Variants in XKR9 observed in about 807,000 individuals in gnomAD.
XKR9 encodes the protein XK-related protein 9.
Under a neutral mutation model 32.0 loss-of-function variants are expected in XKR9, and 32 were observed. That is an observed-to-expected ratio of 1.00 (90% CI 0.76 to 1.34). The LOEUF is 1.34. Among genes scored for constraint, XKR9 ranks in the 40% most tolerant of loss-of-function variants. The pLI is 0.00. For missense variants in XKR9, 546 were observed against 429.7 expected, an observed-to-expected ratio of 1.27 and a Z score of -2.39; for synonymous variants, 168 against 143.4, an observed-to-expected ratio of 1.17 and a Z score of -1.22.
chr8:70,754,680 T>C (rs982876108), intron 2 of XKR9, among the ~76,000 whole-genome samples: 4 of 151,384 alleles, frequency 2.6e-5, no homozygotes, highest in African/African-American at 7.2e-5. Flanking sequence ...CCCTATTTAA[T>C]AAATGGTGCT....
At chr8:71,035,597 G>A in the XKR9 span, among the ~76,000 whole-genome samples, 1 of 152,168 alleles carries the variant, frequency 6.6e-6, no homozygotes, top group Non-Finnish European at 1.5e-5. Flanking sequence ...TTTTTGAATT[G>A]AGCACATCTA....
the XKR9 span, among the ~76,000 whole-genome samples, chr8:70,825,904 A>G: frequency 6.6e-6 from 1 of 152,060 alleles, no homozygotes; most frequent in South Asian, 2.1e-4. Flanking sequence ...CTGCAAAGAG[A>G]TTTAAAAAAT....
chr8:70,888,439 GCAGA>G, the XKR9 span, among the ~76,000 whole-genome samples: 1 of 151,680 alleles, frequency 6.6e-6, no homozygotes, highest in Non-Finnish European at 1.5e-5. Context: ...TCTTTGCTGT[GCAGA>G]CACTTTTTCA....
chr8:71,038,326 T>A, the XKR9 span, among the ~76,000 whole-genome samples: 7 of 148,438 alleles, frequency 4.7e-5, no homozygotes, highest in Admixed American at 1.3e-4. Context: ...TCCTCTTTGT[T>A]TTTTTTTTTT....
chr8:70,731,269 G>C lies in XKR9; in HGVS notation c.494-2527G>C, dbSNP rs184820476. On this transcript the variant is annotated intron_variant, in intron 4 of 4. Transcript: ENST00000408926. ...TGTCTACCATTTACATACACACACA[G>C]AGAAAGAGAGAGAGAGAAAGAGACC... Among the ~76,000 whole-genome samples the C allele has an allele frequency of 1.3e-3, 203 of 151,998 alleles. 1 individual carries two copies. The highest frequency in any genetic ancestry group is 4.3e-3 in the African/African-American group (180 of 41,482).
At chr8:70,756,126 T>C (rs1417423919) in intron 2 of XKR9, among the ~76,000 whole-genome samples, 1 of 152,210 alleles carries the variant, frequency 6.6e-6, no homozygotes, top group Non-Finnish European at 1.5e-5. Flanking sequence ...TGAAAAGATA[T>C]TCTTTATTCA....
the XKR9 span, among the ~76,000 whole-genome samples, chr8:70,965,924 G>A: frequency 6.6e-6 from 1 of 151,878 alleles, no homozygotes; most frequent in Non-Finnish European, 1.5e-5. Context: ...TTCTAGTTCA[G>A]CTCTGATCTT....
the XKR9 span, among the ~76,000 whole-genome samples, chr8:70,955,364 GA>G: frequency 6.6e-6 from 1 of 152,122 alleles, no homozygotes; most frequent in African/African-American, 2.4e-5. Flanking sequence ...ATTATATACT[GA>G]CGATACCTTA....
At chr8:70,763,865 A>T (rs909012773) in intron 2 of XKR9, among the ~76,000 whole-genome samples, 1 of 152,156 alleles carries the variant, frequency 6.6e-6, no homozygotes, top group Admixed American at 6.5e-5. Context: ...GGATTAGTAG[A>T]CTGTATTCCT....
In XKR9 at chr8:70,719,467, G is replaced by A. The variant is rs191587932; in HGVS notation, c.493+12314G>A. ...TAGGTTTAAGTCTTTAATCCATCTTGAGTTAATTTTTGTATAATGTTTAAG... is the reference window on the plus strand; with the variant it reads ...TAGGTTTAAGTCTTTAATCCATCTTAAGTTAATTTTTGTATAATGTTTAAG... On this transcript the variant is annotated intron_variant, in intron 4 of 4. Transcript: ENST00000408926. Among the ~76,000 whole-genome samples the A allele has an allele frequency of 2.4e-4, 36 of 152,206 alleles. 1 individual carries two copies. Among genetic ancestry groups the A allele is most frequent in the African/African-American group, 8.4e-4 (35 of 41,516 alleles).
chr8:70,843,285 T>C, the XKR9 span, among the ~76,000 whole-genome samples: 4 of 152,366 alleles, frequency 2.6e-5, no homozygotes, highest in Admixed American at 6.5e-5. Context: ...AGTTGATTAA[T>C]GTAAAGGTCT....
At chr8:70,925,371 A>C in the XKR9 span, among the ~76,000 whole-genome samples, 1 of 152,210 alleles carries the variant, frequency 6.6e-6, no homozygotes, top group Admixed American at 6.5e-5. Flanking sequence ...GAAGAAGATA[A>C]GGCAGTGGTC....
rs773844957 is a variant in XKR9 at position 70,707,171 on chromosome 8, C to T, written c.493+18C>T. The T allele has an allele frequency of 1.2e-6, 2 of 1,602,940 alleles. No individual in the cohort carries two copies. The highest frequency in any genetic ancestry group is 1.7e-6 in the Non-Finnish European group (2 of 1,171,292). ...CAGTCAGTGTAAGTTTTTCTTAACT[C>T]CTTGTGTTAAATGGATGCCACTGAG... On this transcript the variant is annotated intron_variant, in intron 4 of 4. Transcript: ENST00000408926.
chr8:70,907,385 C>G, the XKR9 span, among the ~76,000 whole-genome samples: 2 of 152,134 alleles, frequency 1.3e-5, no homozygotes, highest in East Asian at 1.9e-4. Context: ...TTTTACATGG[C>G]TTTTCAAAAC....
At chr8:70,976,498 T>C in the XKR9 span, among the ~76,000 whole-genome samples, 1 of 152,372 alleles carries the variant, frequency 6.6e-6, no homozygotes, top group East Asian at 1.9e-4. Flanking sequence ...TCTTTGGTTC[T>C]GTTCATGTGA....
chr8:70,836,336 G>T, the XKR9 span, among the ~76,000 whole-genome samples: 1 of 151,952 alleles, frequency 6.6e-6, no homozygotes, highest in African/African-American at 2.4e-5. Flanking sequence ...ACCCTAAAGG[G>T]TTCCCCCATG....
At chr8:70,982,664 AGC>A in the XKR9 span, among the ~76,000 whole-genome samples, 2 of 152,130 alleles carry the variant, frequency 1.3e-5, no homozygotes, top group African/African-American at 4.8e-5. Flanking sequence ...CATCTCAGGA[AGC>A]CTGCAGTGGT....
chr8:70,705,107 T>C (rs572512986), intron 3 of XKR9, among the ~76,000 whole-genome samples: 1 of 152,286 alleles, frequency 6.6e-6, no homozygotes, highest in African/African-American at 2.4e-5. Flanking sequence ...ATGGGAATAC[T>C]TTATATTTGT....
intron 4 of XKR9, among the ~76,000 whole-genome samples, chr8:70,723,855 C>A (rs1156811825): frequency 6.6e-6 from 1 of 151,736 alleles, no homozygotes; most frequent in African/African-American, 2.4e-5. Flanking sequence ...GCTGGGAGAT[C>A]CACTGCTCTC....
Sources: allele counts gnomAD v4.1 joint callset (sites outside exome capture counted in the v4.1 genomes callset), GRCh38; gene constraint gnomAD v4.1.1; transcripts MANE v1.5; gene names NCBI Gene and HGNC (gene_info 2026-07-23, HGNC 2026-07-21).